Variants in CYSTM1 observed in about 807,000 individuals in gnomAD.
CYSTM1 encodes the protein cysteine-rich transmembrane module-containing protein 1.
In CYSTM1, 4 loss-of-function variants were observed where a neutral mutation model predicts 13.1. The ratio of observed to expected loss-of-function variants is 0.31; its 90% CI spans 0.15 to 0.70. CYSTM1 has a LOEUF of 0.70. CYSTM1 is among the 30% of genes least tolerant of loss of function. The pLI is 0.72. For synonymous variants in CYSTM1, 36 were observed against 42.7 expected (o/e 0.84, Z 0.62); for missense variants, 96 against 121.6 (o/e 0.79, Z 0.99).
chr5:140,235,714 A>G (rs1764673713), intron 2 of CYSTM1, among the ~76,000 whole-genome samples: 1 of 152,114 alleles, frequency 6.6e-6, no homozygotes, highest in African/African-American at 2.4e-5. Flanking sequence ...CCAGAAAAAC[A>G]TTTTGTCCTC....
intron 2 of CYSTM1, among the ~76,000 whole-genome samples, chr5:140,227,583 G>A (rs1764572172): frequency 6.6e-6 from 1 of 152,132 alleles, no homozygotes; most frequent in South Asian, 2.1e-4. Context: ...TGGTTGTGGG[G>A]AGTTGGACCA....
chr5:140,181,844 G>A (rs1175714093), intron 1 of CYSTM1, among the ~76,000 whole-genome samples: 1 of 152,150 alleles, frequency 6.6e-6, no homozygotes, highest in Non-Finnish European at 1.5e-5. Flanking sequence ...TGTTGACTAG[G>A]CCATTCTTAA....
chr5:140,203,535 T>C (rs557534546), intron 2 of CYSTM1, among the ~76,000 whole-genome samples: 19 of 152,288 alleles, frequency 1.2e-4, no homozygotes, highest in Non-Finnish European at 2.1e-4. Flanking sequence ...TACCACAAGT[T>C]TCAGTGGTGA....
chr5:140,179,908 C>T (rs1763943179), intron 1 of CYSTM1, among the ~76,000 whole-genome samples: 1 of 152,116 alleles, frequency 6.6e-6, no homozygotes, highest in Non-Finnish European at 1.5e-5. Flanking sequence ...GGTGATCCAC[C>T]CGCCTCAGCC....
chr5:140,210,206 C>T (rs938588793), intron 2 of CYSTM1, among the ~76,000 whole-genome samples: 1 of 152,110 alleles, frequency 6.6e-6, no homozygotes, highest in African/African-American at 2.4e-5. Context: ...AATGTAGATA[C>T]CATTGTGTAT....
rs570962223 is a variant in CYSTM1, at chr5:140,241,002, T to C, written c.188-2303T>C. On this transcript the variant is annotated intron_variant, in intron 2 of 2. Coordinates refer to ENST00000261811, the MANE Select transcript of CYSTM1 (RefSeq NM_032412.4). ...GGGTTTCTAAGTTATGTGTGGGCAC[T>C]CAACGCCCCTGTCATGGCTGTCACA... Among the ~76,000 whole-genome samples the C allele has an allele frequency of 1.7e-4, 26 of 152,312 alleles. No homozygotes were observed. The South Asian group carries it at 4.8e-3, about 28-fold the overall frequency.
chr5:140,215,042 C>G (rs544451626), intron 2 of CYSTM1, among the ~76,000 whole-genome samples: 2 of 152,206 alleles, frequency 1.3e-5, no homozygotes, highest in African/African-American at 4.8e-5. Flanking sequence ...CCCGTAGGCA[C>G]CTAGTGCAAT....
chr5:140,219,477 C>A lies in CYSTM1; in HGVS notation c.188-23828C>A, dbSNP rs369709000. ...CCCCGAATCACCTTCTCACCACATT[C>A]ATTGAGAATGGTCATCCTGTCCCAT... On this transcript the variant is annotated intron_variant, in intron 2 of 2. Transcript: ENST00000261811. The surrounding 1 kb of genome is among the most constrained non-coding windows in gnomAD (Gnocchi z 4.1). Among the ~76,000 whole-genome samples, 4 of 152,200 alleles carry A rather than the reference C, an allele frequency of 2.6e-5. No individual in the cohort carries two copies. In the East Asian group the frequency reaches 5.8e-4, roughly 22 times the overall value.
chr5:140,228,288 G>C (rs946700494), intron 2 of CYSTM1, among the ~76,000 whole-genome samples: 3 of 152,112 alleles, frequency 2.0e-5, no homozygotes, highest in Non-Finnish European at 2.9e-5. Context: ...CCTGCTAACA[G>C]TGTATGAGAG....
At chr5:140,179,708 C>T (rs887412804) in intron 1 of CYSTM1, among the ~76,000 whole-genome samples, 19 of 150,604 alleles carry the variant, frequency 1.3e-4, no homozygotes, top group African/African-American at 2.2e-4. Context: ...TCTCCCAGGC[C>T]GGAGTGCAAT....
rs1763868386 is a variant in CYSTM1 at position 140,175,452 on chromosome 5, G to T, written c.-21+167G>T. ...GCAGCCCCTGGGGAGGGGCAGGGAG[G>T]CAGGGAAGCTGCTGCCGCCAGCTGG... On this transcript the variant is annotated intron_variant, in intron 1 of 2. Coordinates refer to ENST00000261811, the MANE Select transcript of CYSTM1 (RefSeq NM_032412.4). This position sits in a 1 kb window ranked among gnomAD's most constrained non-coding sequence, Gnocchi z 4.9. Among the ~76,000 whole-genome samples the T allele has an allele frequency of 6.6e-6, 1 of 151,742 alleles. No homozygotes were observed. The highest frequency in any genetic ancestry group is 1.5e-5 in the Non-Finnish European group (1 of 67,924).
At chr5:140,241,635 G>T (rs1233468344) in intron 2 of CYSTM1, among the ~76,000 whole-genome samples, 1 of 152,216 alleles carries the variant, frequency 6.6e-6, no homozygotes, top group Non-Finnish European at 1.5e-5. Context: ...TTATTCAAGG[G>T]GATCTGCATG....
At chr5:140,206,489 C>T (rs1234317419) in intron 2 of CYSTM1, among the ~76,000 whole-genome samples, 1 of 152,160 alleles carries the variant, frequency 6.6e-6, no homozygotes, top group African/African-American at 2.4e-5. Context: ...AGGTATTTCT[C>T]CTTCTGGCCT....
At position 140,219,160 on chromosome 5, in the gene CYSTM1, C is replaced by A. The variant is rs1045486223; in HGVS notation, c.188-24145C>A. On this transcript the variant is annotated intron_variant, in intron 2 of 2. Coordinates refer to ENST00000261811, the MANE Select transcript of CYSTM1 (RefSeq NM_032412.4). The surrounding 1 kb of genome is among the most constrained non-coding windows in gnomAD (Gnocchi z 4.1). ...CAGGCCACCACTTCTGTCTCCTTTT[C>A]TCTGCTGGTGAAGTCTCTAGCCTCA... 2.6e-5 allele frequency among the ~76,000 whole-genome samples: 4 copies of A among 152,174 alleles called. No individual in the cohort carries two copies. The South Asian group carries it at 8.3e-4, about 32-fold the overall frequency.
In CYSTM1 at chr5:140,226,468, A is replaced by AT. The variant is rs1261046622; in HGVS notation, c.188-16837_188-16836insT. Among the ~76,000 whole-genome samples, 4 of 112,438 alleles carry AT rather than the reference A, an allele frequency of 3.6e-5. No homozygotes were observed. The South Asian group carries it at 8.1e-4, about 23-fold the overall frequency. The allele number at this position is 112,438 out of a possible 152,430, so 73.8% of individuals were successfully genotyped here. A position where few individuals can be genotyped will look rare whatever the true frequency, so the allele number is the denominator to read the frequency against. ...ACATGGTGAAAACCCGTCTCTATAAAAAATATATATATATTTATATATATA... is the reference window on the plus strand; with the variant it reads ...ACATGGTGAAAACCCGTCTCTATAAATAAATATATATATATTTATATATATA... On this transcript the variant is annotated intron_variant, in intron 2 of 2. Coordinates refer to ENST00000261811, the MANE Select transcript of CYSTM1 (RefSeq NM_032412.4).
At chr5:140,228,017 C>A (rs1231713466) in intron 2 of CYSTM1, among the ~76,000 whole-genome samples, 1 of 152,156 alleles carries the variant, frequency 6.6e-6, no homozygotes, top group Admixed American at 6.5e-5. Flanking sequence ...TTATTGGTCA[C>A]GTGGAAGAAC....
intron 1 of CYSTM1, among the ~76,000 whole-genome samples, chr5:140,179,508 C>G (rs1449897252): frequency 6.6e-6 from 1 of 151,616 alleles, no homozygotes; most frequent in Non-Finnish European, 1.5e-5. Flanking sequence ...TGCAATGAGC[C>G]AAGATTGTGC....
intron 2 of CYSTM1, among the ~76,000 whole-genome samples, chr5:140,212,994 T>C (rs1380672528): frequency 7.3e-6 from 1 of 137,730 alleles, no homozygotes. Flanking sequence ...TATATATATA[T>C]ATATATATAT....
chr5:140,216,611 A>T (rs906636189), intron 2 of CYSTM1, among the ~76,000 whole-genome samples: 2 of 152,172 alleles, frequency 1.3e-5, no homozygotes, highest in African/African-American at 4.8e-5. Context: ...TTACTTTCCT[A>T]TCAACTCCCT....
Sources: gnomAD v4.1 joint callset for allele counts (sites outside exome capture counted in the v4.1 genomes callset) on GRCh38, gnomAD v4.1.1 for gene constraint, Gnocchi (gnomAD v3.1) non-coding constraint, MANE v1.5 for transcripts, NCBI Gene and HGNC (gene_info 2026-07-23, HGNC 2026-07-21) for gene names.